The following FHIT variants were observed in gnomAD, a reference collection of about 807,000 sequenced individuals.
FHIT encodes the protein fragile histidine triad diadenosine triphosphatase, also known as bis(5'-adenosyl)-triphosphatase.
A neutral mutation model predicts 17.9 loss-of-function variants in FHIT; 19 were observed. That is an observed-to-expected ratio of 1.06 (90% CI 0.74 to 1.56). The LOEUF (loss-of-function observed/expected upper bound fraction) is 1.56. Among genes scored for constraint, FHIT ranks in the 40% most tolerant of loss-of-function variants. The pLI is 0.00. For synonymous variants in FHIT, 81 were observed against 69.7 expected, an observed-to-expected ratio of 1.16 and a Z score of -0.81; for missense variants, 248 against 189.2, an observed-to-expected ratio of 1.31 and a Z score of -1.82.
At chr3:60,758,268 TC>T (rs1553718813) in intron 4 of FHIT, among the ~76,000 whole-genome samples, 1 of 152,166 alleles carries the variant, frequency 6.6e-6, no homozygotes, top group Non-Finnish European at 1.5e-5. Context: ...TTGAGTAGCA[TC>T]AGAAAACGCT....
intron 3 of FHIT, among the ~76,000 whole-genome samples, chr3:60,930,719 G>A (rs1707905150): frequency 6.6e-6 from 1 of 152,092 alleles, no homozygotes; most frequent in Non-Finnish European, 1.5e-5. Context: ...GAAACAACAG[G>A]TGCTGGAGAG....
chr3:61,071,679 TATA>T (rs1175806530), intron 2 of FHIT, among the ~76,000 whole-genome samples: 1 of 152,146 alleles, frequency 6.6e-6, no homozygotes, highest in African/African-American at 2.4e-5. Flanking sequence ...CCAATATGTT[TATA>T]ATAAGTATTT....
intron 4 of FHIT, among the ~76,000 whole-genome samples, chr3:60,703,870 A>G (rs928331217): frequency 6.6e-6 from 1 of 152,084 alleles, no homozygotes; most frequent in Non-Finnish European, 1.5e-5. Context: ...ACTTTCTTCT[A>G]TGATTATTGG....
chr3:60,532,390 A>G (rs563940374), intron 5 of FHIT, among the ~76,000 whole-genome samples: 98 of 152,332 alleles, frequency 6.4e-4, no homozygotes, highest in Non-Finnish European at 1.1e-3. Flanking sequence ...TCAAGAAGAG[A>G]GATAGACACA....
chr3:60,195,495 C>T (rs939619074), intron 5 of FHIT, among the ~76,000 whole-genome samples: 33 of 145,536 alleles, frequency 2.3e-4, no homozygotes, highest in Admixed American at 9.9e-4. Flanking sequence ...ATTGAAAAGA[C>T]GTGGAACCAA....
intron 4 of FHIT, among the ~76,000 whole-genome samples, chr3:60,672,126 T>C (rs1439274121): frequency 6.6e-6 from 1 of 152,224 alleles, no homozygotes; most frequent in East Asian, 1.9e-4. Context: ...CTTTTACTTT[T>C]AACTCTTTGT....
rs149626941 is a variant in FHIT, at chr3:60,814,802, C to A, written c.-18+7117G>T. ...TCACCAAACTGCTTTCCACAGTGGC[C>A]GAACTAATTTACATTCCCACCAACA... On this transcript the variant is annotated intron_variant, in intron 4 of 9. Coordinates refer to ENST00000492590, the MANE Select transcript of FHIT (RefSeq NM_002012.4). 4.5e-3 allele frequency among the ~76,000 whole-genome samples: 680 copies of A among 151,920 alleles called. 4 individuals carry two copies. The highest frequency in any genetic ancestry group is 0.015 in the African/African-American group (605 of 41,418).
intron 8 of FHIT, among the ~76,000 whole-genome samples, chr3:59,791,556 G>A (rs962157363): frequency 6.6e-6 from 1 of 152,108 alleles, no homozygotes; most frequent in Non-Finnish European, 1.5e-5. Context: ...TTCTCTTAAG[G>A]CTCTTAAGGC....
In FHIT at chr3:61,243,424, G is replaced by A. The variant is rs563345379; in HGVS notation, c.-213+7877C>T. 2.0e-4 allele frequency among the ~76,000 whole-genome samples: 30 copies of A among 152,084 alleles called. No homozygotes were observed. In the Middle Eastern group the frequency reaches 0.014, roughly 69 times the overall value. On this transcript the variant is annotated intron_variant, in intron 1 of 9. Coordinates refer to ENST00000492590, the MANE Select transcript of FHIT (RefSeq NM_002012.4). ...CCTCCCTCACAATCACCACATATAT[G>A]GATTATCAAGAAAATTAAAGGTATG...
intron 3 of FHIT, among the ~76,000 whole-genome samples, chr3:60,927,210 G>A (rs932331541): frequency 2.6e-5 from 4 of 152,214 alleles, no homozygotes; most frequent in African/African-American, 4.8e-5. Context: ...CGTGTTGGCC[G>A]GGCTGGTCTC....
At chr3:60,700,280 A>G (rs114578503) in intron 4 of FHIT, among the ~76,000 whole-genome samples, 9,828 of 152,220 alleles carry the variant, frequency 0.065, 406 homozygotes, top group Non-Finnish European at 0.088. Flanking sequence ...TTATCCTTCT[A>G]CATCTTTTTC....
intron 5 of FHIT, among the ~76,000 whole-genome samples, chr3:60,361,327 A>G (rs1699897967): frequency 6.6e-6 from 1 of 152,216 alleles, no homozygotes; most frequent in African/African-American, 2.4e-5. Flanking sequence ...CAGCATCTCA[A>G]GAGAGGAGAG....
chr3:60,695,228 C>G (rs1362097009), intron 4 of FHIT, among the ~76,000 whole-genome samples: 1 of 152,092 alleles, frequency 6.6e-6, no homozygotes, highest in Non-Finnish European at 1.5e-5. Flanking sequence ...AAGCCCATCT[C>G]TACTAAAAAT....
chr3:60,360,627 G>A (rs991590626), intron 5 of FHIT, among the ~76,000 whole-genome samples: 4 of 152,098 alleles, frequency 2.6e-5, no homozygotes, highest in African/African-American at 9.7e-5. Flanking sequence ...CTAATAAATA[G>A]CAGCAATATT....
At chr3:60,910,658 G>A (rs1237041125) in intron 3 of FHIT, among the ~76,000 whole-genome samples, 9 of 151,936 alleles carry the variant, frequency 5.9e-5, no homozygotes, top group South Asian at 4.2e-4. Flanking sequence ...ATGATCCGCC[G>A]GCCTTGGCCT....
At chr3:59,953,306 C>T (rs1382391962) in intron 7 of FHIT, among the ~76,000 whole-genome samples, 1 of 151,990 alleles carries the variant, frequency 6.6e-6, no homozygotes, top group East Asian at 1.9e-4. Context: ...GTCTCTCTCT[C>T]CTTATGACTG....
intron 4 of FHIT, among the ~76,000 whole-genome samples, chr3:60,563,195 C>A (rs1267803051): frequency 6.6e-6 from 1 of 152,072 alleles, no homozygotes; most frequent in African/African-American, 2.4e-5. Context: ...GCGGTAGGGA[C>A]TTGAGTTGGT....
chr3:60,619,888 G>A (rs1190222463), intron 4 of FHIT, among the ~76,000 whole-genome samples: 1 of 151,998 alleles, frequency 6.6e-6, no homozygotes, highest in Non-Finnish European at 1.5e-5. Flanking sequence ...CAAGCCAAAG[G>A]CTAGGAGAAA....
At chr3:59,776,217 C>G (rs1475666871) in intron 8 of FHIT, among the ~76,000 whole-genome samples, 1 of 152,206 alleles carries the variant, frequency 6.6e-6, no homozygotes, top group African/African-American at 2.4e-5. Context: ...GGCCAGAGTC[C>G]CATAGCTTTT....
Sources: allele counts gnomAD v4.1 joint callset (sites outside exome capture counted in the v4.1 genomes callset), GRCh38; gene constraint gnomAD v4.1.1; transcripts MANE v1.5; gene names NCBI Gene and HGNC (gene_info 2026-07-23, HGNC 2026-07-21).